ABHD3: variants seen among roughly 807,000 people sequenced by gnomAD.
ABHD3 encodes abhydrolase domain containing 3, phospholipase.
Under a neutral mutation model 48.8 loss-of-function variants are expected in ABHD3, and 46 were observed. That is an observed-to-expected ratio of 0.94 (90% CI 0.74 to 1.20). ABHD3 has a LOEUF of 1.20. ABHD3 is among the 50% of genes most tolerant of loss of function. ABHD3 has a pLI of 0.00. For synonymous variants in ABHD3, 192 were observed against 183.7 expected (o/e 1.04, Z -0.36); for missense variants, 490 against 497.8 (o/e 0.98, Z 0.15).
intron 3 of ABHD3, among the ~76,000 whole-genome samples, chr18:21,689,724 T>C (rs1027746377): frequency 1.3e-5 from 2 of 151,964 alleles, no homozygotes; most frequent in African/African-American, 2.4e-5. Context: ...AAATCTCTAG[T>C]TGATCCCTCA....
chr18:21,696,555 A>G (rs1384980642), intron 3 of ABHD3, among the ~76,000 whole-genome samples: 2 of 152,200 alleles, frequency 1.3e-5, no homozygotes, highest in East Asian at 1.9e-4. Context: ...CTATTAGGCT[A>G]TATTACTGGA....
At chr18:21,660,399 C>A (rs1324379407) in intron 5 of ABHD3, among the ~76,000 whole-genome samples, 1 of 152,058 alleles carries the variant, frequency 6.6e-6, no homozygotes, top group African/African-American at 2.4e-5. Context: ...TTTTCTCTTT[C>A]TATTCCTGTT....
At position 21,651,625 on chromosome 18, in the gene ABHD3, T is replaced by C; in HGVS notation, c.1196A>G (p.Gln399Arg). The C allele has an allele frequency of 6.2e-7, 1 of 1,614,148 alleles. No individual in the cohort carries two copies. The highest frequency in any genetic ancestry group is 8.5e-7 in the Non-Finnish European group (1 of 1,180,010). ...YMDRVFKQFV[Q>R]AMVEHGHELS ...TTCATGTCCATGCTCAACCATGGCT[T>C]GCACAAATTGCTTGAAGACACGATC... The change falls in exon 9 of 9, where the codon CAA (glutamine) becomes CGA (arginine). Residue 399 changes from glutamine to arginine, a missense_variant. Gln to Arg is a conservative substitution (Grantham distance 43). Coordinates refer to ENST00000289119, the MANE Select transcript of ABHD3 (RefSeq NM_138340.5).
intron 4 of ABHD3, 42 bp from the exon 5 acceptor site, chr18:21,664,272 G>A (rs748399535): frequency 6.3e-7 from 1 of 1,575,406 alleles, no homozygotes; most frequent in Non-Finnish European, 8.6e-7. Flanking sequence ...TACAATGTGA[G>A]GTTAATGATT....
At chr18:21,669,197 G>A (rs2039703667) in intron 4 of ABHD3, among the ~76,000 whole-genome samples, 1 of 152,158 alleles carries the variant, frequency 6.6e-6, no homozygotes, top group African/African-American at 2.4e-5. Flanking sequence ...GACAGACTGA[G>A]ACTCTGTCTC....
chr18:21,692,852 CCCTA>C (rs1482104665), intron 3 of ABHD3, among the ~76,000 whole-genome samples: 3 of 152,178 alleles, frequency 2.0e-5, no homozygotes, highest in African/African-American at 7.2e-5. Context: ...GTTGAACTGG[CCCTA>C]TTTAATAAGC....
At chr18:21,678,069 G>A (rs964915406) in intron 4 of ABHD3, among the ~76,000 whole-genome samples, 5 of 151,908 alleles carry the variant, frequency 3.3e-5, no homozygotes, top group African/African-American at 1.2e-4. Flanking sequence ...CAATCCTCCT[G>A]TACTCAGCCT....
At chr18:21,693,816 T>C (rs569886467) in intron 3 of ABHD3, among the ~76,000 whole-genome samples, 1 of 152,296 alleles carries the variant, frequency 6.6e-6, no homozygotes, top group Non-Finnish European at 1.5e-5. Flanking sequence ...GAAAAAAATA[T>C]TCTGGTGTTA....
chr18:21,703,534 C>A (rs751423427), intron 2 of ABHD3, 50 bp downstream of exon 2: 21 of 1,578,548 alleles, frequency 1.3e-5, no homozygotes, highest in Non-Finnish European at 1.7e-5. Context: ...AGCAAGCAAA[C>A]AAACAACCTG....
chr18:21,683,763 G>T, intron 4 of ABHD3, 157 bp downstream of exon 4: 1 of 608,464 alleles, frequency 1.6e-6, no homozygotes, highest in Non-Finnish European at 2.5e-6. Flanking sequence ...TATCGGTCTT[G>T]TAAATTTCCT....
At chr18:21,679,430 CTAAT>C (rs1273389704) in intron 4 of ABHD3, among the ~76,000 whole-genome samples, 2 of 152,198 alleles carry the variant, frequency 1.3e-5, no homozygotes, top group South Asian at 2.1e-4. Flanking sequence ...AGGAAGTAAA[CTAAT>C]TAATTAAATG....
intron 8 of ABHD3, among the ~76,000 whole-genome samples, chr18:21,656,515 A>G (rs1343329615): frequency 6.6e-6 from 1 of 152,224 alleles, no homozygotes; most frequent in Non-Finnish European, 1.5e-5. Context: ...TCTTCTTTAT[A>G]GGAATCTCAG....
At chr18:21,657,238 G>A in intron 6 of ABHD3, 86 bp from the exon 7 acceptor site, 1 of 1,229,438 alleles carries the variant, frequency 8.1e-7, no homozygotes, top group South Asian at 1.6e-5. Context: ...TTACTAAACA[G>A]CCTACCACAG....
At chr18:21,694,377 G>A (rs1344536951) in intron 3 of ABHD3, among the ~76,000 whole-genome samples, 8 of 152,128 alleles carry the variant, frequency 5.3e-5, no homozygotes, top group Non-Finnish European at 1.2e-4. Context: ...GATTACAGGC[G>A]TGAGCCACTG....
intron 3 of ABHD3, among the ~76,000 whole-genome samples, chr18:21,697,263 G>C (rs917954799): frequency 2.0e-5 from 3 of 151,812 alleles, no homozygotes; most frequent in African/African-American, 7.3e-5. Flanking sequence ...TTAGTAGAGA[G>C]GGGGTGTCAC....
At chr18:21,669,538 G>A (rs2039709949) in intron 4 of ABHD3, among the ~76,000 whole-genome samples, 1 of 152,048 alleles carries the variant, frequency 6.6e-6, no homozygotes, top group South Asian at 2.1e-4. Flanking sequence ...CCCAGTGACT[G>A]AACCTAAACC....
chr18:21,657,525 CT>C (rs762256436), intron 6 of ABHD3, among the ~76,000 whole-genome samples: 3 of 149,484 alleles, frequency 2.0e-5, no homozygotes, highest in Admixed American at 1.3e-4. Flanking sequence ...TTTTTTTTTT[CT>C]TTTGGTAGAG....
At chr18:21,679,618 T>A (rs1462516510) in intron 4 of ABHD3, among the ~76,000 whole-genome samples, 2 of 152,188 alleles carry the variant, frequency 1.3e-5, no homozygotes, top group African/African-American at 4.8e-5. Flanking sequence ...AACCTTTGCC[T>A]CCTGGATTCA....
intron 4 of ABHD3, among the ~76,000 whole-genome samples, chr18:21,679,856 T>C (rs2039967977): frequency 6.6e-6 from 1 of 152,024 alleles, no homozygotes; most frequent in Non-Finnish European, 1.5e-5. Context: ...TTTAATTTAA[T>C]AGAGATGGGG....
Sources: gnomAD v4.1 joint callset for allele counts (sites outside exome capture counted in the v4.1 genomes callset) on GRCh38, gnomAD v4.1.1 for gene constraint, MANE v1.5 for transcripts, NCBI Gene and HGNC (gene_info 2026-07-23, HGNC 2026-07-21) for gene names.